MSRA: variants seen among roughly 807,000 people sequenced by gnomAD.
MSRA encodes the protein mitochondrial peptide methionine sulfoxide reductase.
Under a neutral mutation model 31.3 loss-of-function variants are expected in MSRA, and 54 were observed. That is an observed-to-expected ratio of 1.73 (90% confidence interval 1.39 to 2.17). MSRA has a LOEUF of 2.17. Among genes scored for constraint, MSRA ranks in the 30% most tolerant of loss-of-function variants. The pLI is 0.00. For missense variants in MSRA, 507 were observed against 300.9 expected (o/e 1.69, Z -5.07); for synonymous variants, 169 against 116.5 (o/e 1.45, Z -2.90).
At chr8:10,283,242 T>A (rs908774291) in intron 3 of MSRA, among the ~76,000 whole-genome samples, 1 of 151,822 alleles carries the variant, frequency 6.6e-6, no homozygotes, top group African/African-American at 2.4e-5. Flanking sequence ...ATTCAGACGT[T>A]CTCTTAGATT....
At chr8:10,397,599 G>A (rs780271150) in intron 5 of MSRA, among the ~76,000 whole-genome samples, 9 of 152,296 alleles carry the variant, frequency 5.9e-5, no homozygotes, top group East Asian at 1.9e-4. Flanking sequence ...CATCCACGAC[G>A]GTAGCTAAGA....
intron 1 of MSRA, among the ~76,000 whole-genome samples, chr8:10,158,279 G>T (rs890115246): frequency 8.5e-5 from 13 of 152,180 alleles, no homozygotes; most frequent in African/African-American, 2.7e-4. Flanking sequence ...GGTATGAACT[G>T]CAGTCAGACA....
chr8:10,288,550 G>A (rs1012953199), intron 3 of MSRA, among the ~76,000 whole-genome samples: 11 of 152,076 alleles, frequency 7.2e-5, no homozygotes, highest in African/African-American at 2.4e-4. Flanking sequence ...TTTTTGGGGG[G>A]CTGTGGTGTA....
At chr8:10,377,565 T>C (rs17151840) in intron 5 of MSRA, among the ~76,000 whole-genome samples, 2,089 of 152,230 alleles carry the variant, frequency 0.014, 45 homozygotes, top group African/African-American at 0.048. Context: ...TACCCAGAAG[T>C]GTACTCTGCA....
At chr8:10,377,566 G>A (rs753311360) in intron 5 of MSRA, among the ~76,000 whole-genome samples, 7 of 152,192 alleles carry the variant, frequency 4.6e-5, no homozygotes, top group African/African-American at 1.7e-4. Context: ...ACCCAGAAGT[G>A]TACTCTGCAA....
intron 1 of MSRA, among the ~76,000 whole-genome samples, chr8:10,155,313 A>G (rs1182896577): frequency 6.6e-6 from 1 of 152,128 alleles, no homozygotes; most frequent in Non-Finnish European, 1.5e-5. Context: ...GGAAGGAGAC[A>G]TAAATATGAG....
chr8:10,373,004 C>G (rs973159561), intron 5 of MSRA, among the ~76,000 whole-genome samples: 6 of 152,244 alleles, frequency 3.9e-5, no homozygotes, highest in African/African-American at 1.4e-4. Flanking sequence ...ATTCTCCTGC[C>G]TCAGCCTCCC....
At chr8:10,208,622 C>G (rs543953921) in intron 2 of MSRA, among the ~76,000 whole-genome samples, 11 of 152,208 alleles carry the variant, frequency 7.2e-5, no homozygotes, top group African/African-American at 2.2e-4. Context: ...TCCCACCTCC[C>G]CTCCCCTTCT....
intron 1 of MSRA, among the ~76,000 whole-genome samples, chr8:10,074,730 C>T (rs758383094): frequency 1.6e-4 from 24 of 152,136 alleles, no homozygotes; most frequent in Non-Finnish European, 1.3e-4. Flanking sequence ...ACGACGCCTC[C>T]TCACAGCAAC....
At chr8:10,218,698 C>G (rs986518316) in intron 2 of MSRA, among the ~76,000 whole-genome samples, 2 of 152,136 alleles carry the variant, frequency 1.3e-5, no homozygotes, top group African/African-American at 4.8e-5. Context: ...TGGCTCTAAA[C>G]GTGTATTCCC....
At chr8:10,395,907 G>T (rs1406080587) in intron 5 of MSRA, among the ~76,000 whole-genome samples, 8 of 152,106 alleles carry the variant, frequency 5.3e-5, no homozygotes, top group African/African-American at 1.9e-4. Flanking sequence ...ATCAGAAATG[G>T]CAATTCACAA....
At chr8:10,384,684 A>G (rs576977419) in intron 5 of MSRA, among the ~76,000 whole-genome samples, 1 of 152,296 alleles carries the variant, frequency 6.6e-6, no homozygotes, top group East Asian at 1.9e-4. Flanking sequence ...AAGGACTCAG[A>G]TTGGAGTCCT....
intron 3 of MSRA, among the ~76,000 whole-genome samples, chr8:10,267,096 A>G (rs1166494702): frequency 6.6e-6 from 1 of 152,250 alleles, no homozygotes; most frequent in Non-Finnish European, 1.5e-5. Context: ...GAACCAACAT[A>G]GTCTCAGACT....
At chr8:10,091,219 C>T (rs768244941) in intron 1 of MSRA, among the ~76,000 whole-genome samples, 13 of 152,118 alleles carry the variant, frequency 8.5e-5, no homozygotes, top group Non-Finnish European at 1.8e-4. Context: ...ATATTCGTAA[C>T]GATATTGGTC....
chr8:10,415,700 C>A (rs1172003644), intron 5 of MSRA, among the ~76,000 whole-genome samples: 1 of 151,936 alleles, frequency 6.6e-6, no homozygotes, highest in Non-Finnish European at 1.5e-5. Context: ...CCTGACTTGC[C>A]CTCCCTGCAC....
chr8:10,351,619 T>G (rs1804154666), intron 5 of MSRA, among the ~76,000 whole-genome samples: 1 of 152,248 alleles, frequency 6.6e-6, no homozygotes, highest in African/African-American at 2.4e-5. Context: ...CGTCTGGTAC[T>G]TATAAAATAT....
intron 1 of MSRA, among the ~76,000 whole-genome samples, chr8:10,201,302 A>G (rs1011730843): frequency 6.6e-6 from 1 of 152,110 alleles, no homozygotes; most frequent in Non-Finnish European, 1.5e-5. Flanking sequence ...GGTTAATAAC[A>G]TGACCCGATG....
At chr8:10,142,694 G>A (rs1051743587) in intron 1 of MSRA, among the ~76,000 whole-genome samples, 7 of 152,250 alleles carry the variant, frequency 4.6e-5, no homozygotes, top group African/African-American at 1.7e-4. Flanking sequence ...ATTGAAAGAA[G>A]ACAGTGAGTG....
intron 1 of MSRA, among the ~76,000 whole-genome samples, chr8:10,180,888 ATGTTG>A (rs1477917468): frequency 3.3e-5 from 5 of 152,276 alleles, no homozygotes; most frequent in African/African-American, 1.2e-4. Context: ...CTACTTCCAA[ATGTTG>A]CCACATTTTT....
Sources: gnomAD v4.1 joint callset for allele counts (sites outside exome capture counted in the v4.1 genomes callset) on GRCh38, gnomAD v4.1.1 for gene constraint, MANE v1.5 for transcripts, NCBI Gene and HGNC (gene_info 2026-07-23, HGNC 2026-07-21) for gene names.